Variants in KCNG3 observed in about 807,000 individuals in gnomAD.
KCNG3 encodes potassium voltage-gated channel modifier subfamily G member 3.
Under a neutral mutation model 29.0 loss-of-function variants are expected in KCNG3, and 15 were observed. The observed-to-expected ratio is 0.52, with a 90% CI of 0.35 to 0.80. The LOEUF is 0.80. Ranked by LOEUF, KCNG3 falls within the 30% of genes least tolerant of loss-of-function variation. The probability of loss-of-function intolerance (pLI) is 0.01; values close to 1 mark genes in which losing one functional copy is unlikely to be tolerated. For synonymous variants in KCNG3, 322 were observed against 248.9 expected, an observed-to-expected ratio of 1.29 and a Z score of -2.76; for missense variants, 512 against 605.7, an observed-to-expected ratio of 0.85 and a Z score of 1.62.
At chr2:42,480,241 G>GAT (rs71757284) in intron 1 of KCNG3, among the ~76,000 whole-genome samples, 23,535 of 152,126 alleles carry the variant, frequency 0.15, 2,198 homozygotes, top group Middle Eastern at 0.23. Context: ...TAGAAGACTA[G>GAT]AATCAGGCAT....
the KCNG3 span, among the ~76,000 whole-genome samples, chr2:42,401,174 A>G: frequency 6.7e-6 from 1 of 149,618 alleles, no homozygotes; most frequent in South Asian, 2.1e-4. Context: ...TGGTGTATAC[A>G]TGTTTATATG....
At chr2:42,422,457 C>T in the KCNG3 span, among the ~76,000 whole-genome samples, 1 of 152,092 alleles carries the variant, frequency 6.6e-6, no homozygotes, top group Non-Finnish European at 1.5e-5. Flanking sequence ...ACAGATTACC[C>T]TGTCCGTGGT....
chr2:42,427,424 G>C, the KCNG3 span, among the ~76,000 whole-genome samples: 1 of 146,070 alleles, frequency 6.8e-6, no homozygotes, highest in East Asian at 2.3e-4. Flanking sequence ...GGGCAACATG[G>C]CAAAACCCCA....
chr2:42,486,709 C>T (rs1273187143), intron 1 of KCNG3, among the ~76,000 whole-genome samples: 1 of 152,226 alleles, frequency 6.6e-6, no homozygotes, highest in Non-Finnish European at 1.5e-5. Context: ...CTTTCACAAT[C>T]TGAAATGATT....
the KCNG3 span, among the ~76,000 whole-genome samples, chr2:42,398,920 G>A: frequency 6.6e-6 from 1 of 152,186 alleles, no homozygotes; most frequent in Non-Finnish European, 1.5e-5. Flanking sequence ...TGCCTGGGCA[G>A]GAATCGCCTC....
chr2:42,415,141 G>C, the KCNG3 span, among the ~76,000 whole-genome samples: 5 of 152,068 alleles, frequency 3.3e-5, no homozygotes, highest in Admixed American at 1.3e-4. Context: ...TGATTTCTGT[G>C]GTGCTGTGTT....
At chr2:42,452,243 A>ATATATATATATATATATATATTTTTTTTT in intron 1 of KCNG3, among the ~76,000 whole-genome samples, 1 of 95,066 alleles carries the variant, frequency 1.1e-5, no homozygotes, top group African/African-American at 3.9e-5. Context: ...ATATATATAT[A>ATATATATATATATATATATATTTTTTTTT]TTTTTTTTTT....
chr2:42,409,699 C>CAAAAAAAAAA, the KCNG3 span, among the ~76,000 whole-genome samples: 25 of 51,986 alleles, frequency 4.8e-4, no homozygotes, highest in African/African-American at 1.5e-3. Context: ...GTGCCTGTCT[C>CAAAAAAAAAA]AAAAAAAAAA....
intron 1 of KCNG3, among the ~76,000 whole-genome samples, chr2:42,449,730 C>T (rs1183847329): frequency 6.6e-6 from 1 of 152,114 alleles, no homozygotes. Flanking sequence ...GAATTAAAGG[C>T]ATGAGCCACC....
the KCNG3 span, among the ~76,000 whole-genome samples, chr2:42,434,458 C>CAAA: frequency 1.6e-4 from 5 of 31,242 alleles, no homozygotes; most frequent in Non-Finnish European, 2.0e-4. Flanking sequence ...GACACTGTCT[C>CAAA]AAAAAAAAAA....
chr2:42,447,396 C>A (rs975155147), intron 1 of KCNG3, among the ~76,000 whole-genome samples: 21 of 151,916 alleles, frequency 1.4e-4, no homozygotes, highest in African/African-American at 4.1e-4. Context: ...GGAGGTCATT[C>A]CAAATCAGTA....
At chr2:42,405,170 T>C in the KCNG3 span, among the ~76,000 whole-genome samples, 1 of 152,232 alleles carries the variant, frequency 6.6e-6, no homozygotes, top group East Asian at 1.9e-4. Flanking sequence ...CCAGTGCCAA[T>C]CAACTATATC....
chr2:42,438,767 A>T (rs1195635609), downstream of KCNG3, among the ~76,000 whole-genome samples: 1 of 152,242 alleles, frequency 6.6e-6, no homozygotes, highest in Non-Finnish European at 1.5e-5. Flanking sequence ...CAATATAATC[A>T]TGCTTCTGGA....
chr2:42,435,251 C>T, the KCNG3 span, among the ~76,000 whole-genome samples: 21 of 152,178 alleles, frequency 1.4e-4, no homozygotes, highest in Non-Finnish European at 2.8e-4. Context: ...TGCAGTGAGC[C>T]GAGATCGCCC....
intron 1 of KCNG3, among the ~76,000 whole-genome samples, chr2:42,467,760 A>T (rs536127436): frequency 6.6e-6 from 1 of 152,098 alleles, no homozygotes; most frequent in South Asian, 2.1e-4. Context: ...GCTTGAGCCC[A>T]GGAGTTCAAG....
chr2:42,413,429 C>T, the KCNG3 span, among the ~76,000 whole-genome samples: 5 of 152,042 alleles, frequency 3.3e-5, no homozygotes, highest in Admixed American at 6.6e-5. Flanking sequence ...ATTTACTGTT[C>T]TTTTTTATCA....
Position 42,493,082 on chromosome 2 carries a change from C to A in KCNG3, c.420G>T (p.Ala140=). 6.4e-7 allele frequency: 1 copy of A among 1,557,214 alleles called. No homozygotes were observed. The highest frequency in any genetic ancestry group is 1.9e-5 in the Admixed American group (1 of 52,838). The change falls in exon 1 of 2, where the codon GCG becomes GCT. Residue 140 remains alanine (A), a synonymous_variant. Coordinates refer to ENST00000306078, the MANE Select transcript of KCNG3 (RefSeq NM_133329.6). ...DEPGVLGRDE[A]RPGGAEAAPS... ...GAGCCGCCTCGGCCCCGCCGGGGCGCGCCTCGTCGCGGCCCAGCACGCCCG... is the reference window on the plus strand; with the variant it reads ...GAGCCGCCTCGGCCCCGCCGGGGCGAGCCTCGTCGCGGCCCAGCACGCCCG...
intron 1 of KCNG3, among the ~76,000 whole-genome samples, chr2:42,460,487 C>G (rs1416759194): frequency 6.6e-6 from 1 of 152,068 alleles, no homozygotes; most frequent in Non-Finnish European, 1.5e-5. Flanking sequence ...CAATCCAATC[C>G]TTAAGAACTC....
At chr2:42,418,100 T>C in the KCNG3 span, among the ~76,000 whole-genome samples, 8 of 152,282 alleles carry the variant, frequency 5.3e-5, no homozygotes, top group East Asian at 1.2e-3. Context: ...CACAATGTTG[T>C]TTAACCATCA....
Sources: allele counts gnomAD v4.1 joint callset (sites outside exome capture counted in the v4.1 genomes callset), GRCh38; gene constraint gnomAD v4.1.1; transcripts MANE v1.5; gene names NCBI Gene and HGNC (gene_info 2026-07-23, HGNC 2026-07-21).